Variants in PRDM5 observed in about 807,000 individuals in gnomAD.
PRDM5 encodes PR domain zinc finger protein 5.
PRDM5 carries 56 observed loss-of-function variants against 81.2 expected under a neutral mutation model. The ratio of observed to expected loss-of-function variants is 0.69; its 90% confidence interval spans 0.56 to 0.86. PRDM5 has a LOEUF of 0.86. PRDM5 is among the 40% of genes least tolerant of loss of function. The probability of loss-of-function intolerance (pLI) is 0.00; values close to 1 mark genes in which losing one functional copy is unlikely to be tolerated. For missense variants in PRDM5, 697 were observed against 770.1 expected, an observed-to-expected ratio of 0.91 and a Z score of 1.12; for synonymous variants, 267 against 256.4, an observed-to-expected ratio of 1.04 and a Z score of -0.39.
intron 8 of PRDM5, among the ~76,000 whole-genome samples, chr4:120,802,503 C>T (rs912455826): frequency 3.9e-5 from 6 of 152,198 alleles, no homozygotes; most frequent in East Asian, 3.8e-4. Flanking sequence ...CCCTCTGAGA[C>T]GAAACTTCCA....
chr4:120,781,316 G>C lies in PRDM5; in HGVS notation c.1283-13C>G. ...AAAGTCCTCTCACCTTAGAAACAAA[G>C]AGAAACATTTAAGAAGCAATAGCAG... On this transcript the variant is annotated splice_polypyrimidine_tract_variant and intron_variant, in intron 11 of 15. Transcript: ENST00000264808. 6.2e-7 allele frequency: 1 copy of C among 1,610,762 alleles called. No individual in the cohort carries two copies.
chr4:120,878,568 T>C (rs1561579066), intron 2 of PRDM5, among the ~76,000 whole-genome samples: 1 of 152,192 alleles, frequency 6.6e-6, no homozygotes, highest in African/African-American at 2.4e-5. Flanking sequence ...TTGGTAAGTT[T>C]GACTTTATTA....
At chr4:120,750,127 T>C (rs548391125) in intron 14 of PRDM5, among the ~76,000 whole-genome samples, 1 of 152,360 alleles carries the variant, frequency 6.6e-6, no homozygotes, top group South Asian at 2.1e-4. Flanking sequence ...TAATTGGATT[T>C]AATTAAAATT....
intron 14 of PRDM5, among the ~76,000 whole-genome samples, chr4:120,734,098 T>G (rs1368587774): frequency 1.3e-5 from 2 of 152,028 alleles, no homozygotes; most frequent in Non-Finnish European, 2.9e-5. Context: ...CCAAACTGGC[T>G]GAGGCCCAGA....
intron 14 of PRDM5, among the ~76,000 whole-genome samples, chr4:120,742,582 A>G (rs1742216935): frequency 6.6e-6 from 1 of 152,198 alleles, no homozygotes; most frequent in Non-Finnish European, 1.5e-5. Context: ...AGAAGTGCTT[A>G]AAGGAGCTGA....
chr4:120,744,184 G>T (rs1263273749), intron 14 of PRDM5, among the ~76,000 whole-genome samples: 11 of 151,764 alleles, frequency 7.2e-5, no homozygotes, highest in Non-Finnish European at 1.5e-4. Flanking sequence ...ATGACTACTG[G>T]GTACATAACG....
intron 14 of PRDM5, among the ~76,000 whole-genome samples, chr4:120,736,267 G>C (rs1462463720): frequency 6.6e-6 from 1 of 151,064 alleles, no homozygotes; most frequent in Non-Finnish European, 1.5e-5. Flanking sequence ...CCAATCATCT[G>C]TTGATGGATA....
intron 3 of PRDM5, among the ~76,000 whole-genome samples, chr4:120,847,420 A>G (rs1758783712): frequency 6.6e-6 from 1 of 152,040 alleles, no homozygotes; most frequent in Non-Finnish European, 1.5e-5. Flanking sequence ...AGAGAGCCCC[A>G]GTTCAGTGGT....
chr4:120,822,139 A>G (rs1306739506), intron 3 of PRDM5, among the ~76,000 whole-genome samples: 1 of 152,228 alleles, frequency 6.6e-6, no homozygotes, highest in East Asian at 1.9e-4. Flanking sequence ...TCACACTTGG[A>G]ATCAACTGAT....
chr4:120,816,058 A>AT, intron 7 of PRDM5: 1 of 226,532 alleles, frequency 4.4e-6, no homozygotes, highest in South Asian at 5.6e-5. Flanking sequence ...CACAAGTTGG[A>AT]TTTTTACTGT....
intron 14 of PRDM5, among the ~76,000 whole-genome samples, chr4:120,738,814 C>T (rs1308201210): frequency 6.6e-6 from 1 of 152,150 alleles, no homozygotes; most frequent in Non-Finnish European, 1.5e-5. Flanking sequence ...ATATTTAGTA[C>T]TTGTTCTAGT....
chr4:120,903,679 C>G (rs570334818), intron 2 of PRDM5, among the ~76,000 whole-genome samples: 1 of 152,296 alleles, frequency 6.6e-6, no homozygotes, highest in African/African-American at 2.4e-5. Context: ...GTGTAAATGG[C>G]AGGGCCAGCT....
chr4:120,763,207 G>A lies in PRDM5; in HGVS notation c.1538-8569C>T, dbSNP rs576592022. Among the ~76,000 whole-genome samples, 12 of 152,230 alleles carry A rather than the reference G, an allele frequency of 7.9e-5. No homozygotes were observed. The South Asian group carries it at 1.9e-3, about 24-fold the overall frequency. On this transcript the variant is annotated intron_variant, in intron 13 of 15. Coordinates refer to ENST00000264808, the MANE Select transcript of PRDM5 (RefSeq NM_018699.4). Reference sequence around the variant, plus strand: ...AAAAACAGGACAGCCACGTGCTCACGAACTTTTCAGTCGGAAATCATAAAA... The same window carrying A: ...AAAAACAGGACAGCCACGTGCTCACAAACTTTTCAGTCGGAAATCATAAAA...
intron 8 of PRDM5, among the ~76,000 whole-genome samples, chr4:120,809,406 T>TA (rs200444654): frequency 0.2 from 29,919 of 151,788 alleles, 3,598 homozygotes; most frequent in Non-Finnish European, 0.28. Context: ...AAAATACTTT[T>TA]AAAAAAAACA....
chr4:120,787,160 A>G (rs563754815), intron 10 of PRDM5, among the ~76,000 whole-genome samples: 1 of 152,326 alleles, frequency 6.6e-6, no homozygotes, highest in South Asian at 2.1e-4. Context: ...TAGGTGGTCA[A>G]GAAAATTCTA....
intron 15 of PRDM5, among the ~76,000 whole-genome samples, chr4:120,709,961 C>A (rs1355434678): frequency 6.6e-6 from 1 of 152,078 alleles, no homozygotes; most frequent in Non-Finnish European, 1.5e-5. Context: ...GTTTAACTGT[C>A]ATTAATCAGT....
chr4:120,882,780 T>C (rs2148589243), intron 2 of PRDM5, among the ~76,000 whole-genome samples: 1 of 152,334 alleles, frequency 6.6e-6, no homozygotes, highest in East Asian at 1.9e-4. Flanking sequence ...CAAAAAATCA[T>C]TTGAATTATT....
intron 3 of PRDM5, among the ~76,000 whole-genome samples, chr4:120,844,060 G>C (rs1347523090): frequency 6.6e-6 from 1 of 152,086 alleles, no homozygotes; most frequent in East Asian, 1.9e-4. Context: ...GGCCACTGTG[G>C]GGCAGGCTCA....
At chr4:120,916,126 T>C (rs1175196361) in intron 1 of PRDM5, among the ~76,000 whole-genome samples, 1 of 152,134 alleles carries the variant, frequency 6.6e-6, no homozygotes, top group Non-Finnish European at 1.5e-5. Flanking sequence ...CGGTGGTTCA[T>C]GCCTGTAATC....
Sources: gnomAD v4.1 joint callset for allele counts (sites outside exome capture counted in the v4.1 genomes callset) on GRCh38, gnomAD v4.1.1 for gene constraint, MANE v1.5 for transcripts, NCBI Gene and HGNC (gene_info 2026-07-23, HGNC 2026-07-21) for gene names.